The following CADM2 variants were observed in gnomAD, a reference collection of about 807,000 sequenced individuals.
The protein encoded by CADM2 is immunoglobulin superfamily member 4D.
CADM2 carries 12 observed loss-of-function variants against 49.8 expected under a neutral mutation model. The observed-to-expected ratio is 0.24, with a 90% confidence interval of 0.15 to 0.39. CADM2 has a LOEUF of 0.39. Among genes scored for constraint, CADM2 ranks in the 10% least tolerant of loss-of-function variants. The pLI is 1.00. For synonymous variants in CADM2, 214 were observed against 175.4 expected, an observed-to-expected ratio of 1.22 and a Z score of -1.74; for missense variants, 378 against 492.3, an observed-to-expected ratio of 0.77 and a Z score of 2.20.
At chr3:85,118,709 C>T (rs79422685) in intron 1 of CADM2, among the ~76,000 whole-genome samples, 4,571 of 152,120 alleles carry the variant, frequency 0.03, 96 homozygotes, top group South Asian at 0.044. Flanking sequence ...TTTATGAAAA[C>T]GTTGAAGAAG....
intron 8 of CADM2, among the ~76,000 whole-genome samples, chr3:85,962,533 T>C (rs1724964894): frequency 6.6e-6 from 1 of 151,992 alleles, no homozygotes; most frequent in African/African-American, 2.4e-5. Flanking sequence ...CATGAGTGAA[T>C]AAAATTTCTG....
intron 1 of CADM2, among the ~76,000 whole-genome samples, chr3:85,133,495 C>A (rs976078743): frequency 6.8e-4 from 104 of 152,028 alleles, no homozygotes; most frequent in African/African-American, 2.3e-3. Flanking sequence ...ATTCACAAAC[C>A]CTGAGCTAGA....
chr3:85,805,817 G>C (rs2072375853), intron 3 of CADM2, among the ~76,000 whole-genome samples: 1 of 152,134 alleles, frequency 6.6e-6, no homozygotes, highest in Non-Finnish European at 1.5e-5. Context: ...GAGAGCAAGA[G>C]AGAAAAGGGA....
At chr3:85,835,709 T>C (rs1265122364) in intron 3 of CADM2, among the ~76,000 whole-genome samples, 1 of 147,838 alleles carries the variant, frequency 6.8e-6, no homozygotes, top group Non-Finnish European at 1.5e-5. Context: ...TTTATATATG[T>C]ATGTGTATGT....
At chr3:85,575,773 G>A (rs2062614921) in intron 1 of CADM2, among the ~76,000 whole-genome samples, 1 of 151,978 alleles carries the variant, frequency 6.6e-6, no homozygotes, top group Admixed American at 6.6e-5. Context: ...AAAAGGAAGG[G>A]GAACTGTGTA....
chr3:85,816,160 C>G (rs1439075938), intron 3 of CADM2, among the ~76,000 whole-genome samples: 3 of 149,642 alleles, frequency 2.0e-5, no homozygotes, highest in African/African-American at 7.3e-5. Context: ...TTGCATCAGA[C>G]TTTTATAGAG....
intron 1 of CADM2, among the ~76,000 whole-genome samples, chr3:85,025,397 A>T (rs1218333254): frequency 6.6e-6 from 1 of 152,178 alleles, no homozygotes; most frequent in East Asian, 1.9e-4. Flanking sequence ...GTTAGTTGGA[A>T]TTCAAAGATG....
At chr3:85,808,022 C>G (rs182401137) in intron 3 of CADM2, among the ~76,000 whole-genome samples, 208 of 152,232 alleles carry the variant, frequency 1.4e-3, no homozygotes, top group African/African-American at 4.6e-3. Flanking sequence ...CATTGACACC[C>G]CATTACTGGT....
chr3:85,286,446 G>A (rs894471210), intron 1 of CADM2, among the ~76,000 whole-genome samples: 1 of 152,120 alleles, frequency 6.6e-6, no homozygotes, highest in African/African-American at 2.4e-5. Context: ...CTACAATAGG[G>A]AAGAAAGTAG....
At chr3:85,787,010 T>A (rs2071030870) in intron 2 of CADM2, among the ~76,000 whole-genome samples, 1 of 152,092 alleles carries the variant, frequency 6.6e-6, no homozygotes, top group Non-Finnish European at 1.5e-5. Flanking sequence ...AATATATATT[T>A]GAAAAAGAAA....
intron 1 of CADM2, among the ~76,000 whole-genome samples, chr3:85,687,473 A>G (rs2066251004): frequency 6.6e-6 from 1 of 152,194 alleles, no homozygotes; most frequent in South Asian, 2.1e-4. Flanking sequence ...GAAAAATATG[A>G]TAGAATGAAT....
intron 1 of CADM2, among the ~76,000 whole-genome samples, chr3:85,556,126 A>G (rs1332461644): frequency 6.6e-6 from 1 of 152,214 alleles, no homozygotes; most frequent in Non-Finnish European, 1.5e-5. Flanking sequence ...TACCAATAAC[A>G]TAAACAGTAG....
chr3:86,050,090 A>G (rs1182177125), intron 8 of CADM2, among the ~76,000 whole-genome samples: 1 of 152,182 alleles, frequency 6.6e-6, no homozygotes, highest in Non-Finnish European at 1.5e-5. Context: ...CTATAAAATC[A>G]AAAACAAGTT....
intron 1 of CADM2, among the ~76,000 whole-genome samples, chr3:85,158,709 G>C (rs1318028159): frequency 1.3e-5 from 2 of 152,084 alleles, no homozygotes; most frequent in African/African-American, 4.8e-5. Flanking sequence ...GGGGAGTGGG[G>C]AGGGATAGCA....
rs796735873 is a variant in CADM2, at chr3:85,107,613, CTTTCTTTCTTTCTTTCTT to C, written c.61+147965_61+147982del. Among the ~76,000 whole-genome samples the C allele has an allele frequency of 2.6e-4, 36 of 136,908 alleles. No homozygotes were observed. In the South Asian group the frequency reaches 3.6e-3, roughly 14 times the overall value. The allele number at this position is 136,908 out of a possible 152,430, so 89.8% of individuals were successfully genotyped here. ...TCTTTCTTTCTTTCTCTTTCTTTTT[CTTTCTTTCTTTCTTTCTT>C]TTTCTTTCTTTCTTTCTTTCTTTCT... On this transcript the variant is annotated intron_variant, in intron 1 of 9. Coordinates refer to ENST00000383699, the MANE Select transcript of CADM2 (RefSeq NM_001167675.2).
At chr3:85,916,807 A>G (rs1292555249) in intron 6 of CADM2, among the ~76,000 whole-genome samples, 1 of 151,978 alleles carries the variant, frequency 6.6e-6, no homozygotes, top group Non-Finnish European at 1.5e-5. Flanking sequence ...AAGTGTTTCT[A>G]TTTCTCCATA....
rs367825590 is a variant in CADM2 at position 86,036,827 on chromosome 3, TG to T, written c.971-28776del. 1.4e-4 allele frequency among the ~76,000 whole-genome samples: 21 copies of T among 152,328 alleles called. 1 individual carries two copies. The East Asian group carries it at 3.5e-3, about 25-fold the overall frequency. On this transcript the variant is annotated intron_variant, in intron 8 of 9. Transcript: ENST00000383699. ...CTGGAAATAGAACAGATGGTGATGGTGGTATGTGCCTGTTTGTTATTTTTAG... is the reference window on the plus strand; with the variant it reads ...CTGGAAATAGAACAGATGGTGATGGTGTATGTGCCTGTTTGTTATTTTTAG...
intron 6 of CADM2, among the ~76,000 whole-genome samples, chr3:85,930,912 A>T (rs1720507182): frequency 6.7e-6 from 1 of 149,422 alleles, no homozygotes; most frequent in Non-Finnish European, 1.5e-5. Flanking sequence ...TAATATATTA[A>T]TAATTATATT....
Position 85,450,013 on chromosome 3 carries a change from G to A in CADM2, c.62-276509G>A, listed in dbSNP as rs527464612. Reference sequence around the variant, plus strand: ...TAGAGGGCTTGGGATGTCAGAGCAAGGTTAGGAAACAGGTAAACAGAACAA... The same window carrying A: ...TAGAGGGCTTGGGATGTCAGAGCAAAGTTAGGAAACAGGTAAACAGAACAA... On this transcript the variant is annotated intron_variant, in intron 1 of 9. Transcript: ENST00000383699. 8.9e-4 allele frequency among the ~76,000 whole-genome samples: 135 copies of A among 152,246 alleles called. 3 individuals carry two copies. Among genetic ancestry groups the A allele is most frequent in the Non-Finnish European group, 1.6e-3 (107 of 68,012 alleles).
Sources: allele counts gnomAD v4.1 joint callset (sites outside exome capture counted in the v4.1 genomes callset), GRCh38; gene constraint gnomAD v4.1.1; transcripts MANE v1.5; gene names NCBI Gene and HGNC (gene_info 2026-07-23, HGNC 2026-07-21).